Variants in TKT observed in about 807,000 individuals in gnomAD.
TKT encodes the protein transketolase.
TKT carries 47 observed loss-of-function variants against 63.9 expected under a neutral mutation model. That is an observed-to-expected ratio of 0.74 (90% CI 0.58 to 0.94). The LOEUF (loss-of-function observed/expected upper bound fraction) is 0.94. Ranked by LOEUF, TKT falls within the 40% of genes least tolerant of loss-of-function variation. TKT has a pLI of 0.00. For synonymous variants in TKT, 338 were observed against 334.1 expected, an observed-to-expected ratio of 1.01 and a Z score of -0.13; for missense variants, 721 against 846.2, an observed-to-expected ratio of 0.85 and a Z score of 1.84.
At position 53,240,214 on chromosome 3, in the gene TKT, A is replaced by G. The variant is rs781985870; in HGVS notation, c.437+37T>C. 3 of 1,594,326 alleles carry G rather than the reference A, an allele frequency of 1.9e-6. No individual in the cohort carries two copies. In the African/African-American group the frequency reaches 4.0e-5, roughly 21 times the overall value. On this transcript the variant is annotated intron_variant, in intron 4 of 13. Coordinates refer to ENST00000462138, the MANE Select transcript of TKT (RefSeq NM_001064.4). Reference sequence around the variant, plus strand: ...GGGTCACCCAAGGACCACTCCCCAAAACTACCCAGGTTGGGGGTGGGGAGT... The same window carrying G: ...GGGTCACCCAAGGACCACTCCCCAAGACTACCCAGGTTGGGGGTGGGGAGT...
intron 4 of TKT, among the ~76,000 whole-genome samples, chr3:53,238,135 T>A (rs1553679106): frequency 2.0e-5 from 3 of 152,110 alleles, no homozygotes; most frequent in Non-Finnish European, 4.4e-5. Context: ...CAGGCAACCC[T>A]GGCCCCAAGC....
At chr3:53,252,761 T>A (rs1023192928) in intron 1 of TKT, among the ~76,000 whole-genome samples, 11 of 152,148 alleles carry the variant, frequency 7.2e-5, no homozygotes, top group African/African-American at 2.7e-4. Context: ...CTGACTAATA[T>A]CCACCGCGGC....
chr3:53,225,054 T>C lies in TKT; in HGVS notation c.*702A>G, dbSNP rs1553675112. The C allele has an allele frequency of 6.6e-6, 1 of 152,124 alleles. No individual in the cohort carries two copies. Among genetic ancestry groups the C allele is most frequent in the African/African-American group, 2.4e-5 (1 of 41,430 alleles). 9.4% of individuals were successfully genotyped at this position (152,124 alleles called of 1,614,324 possible). A position where few individuals can be genotyped will look rare whatever the true frequency, so the allele number is the denominator to read the frequency against. On this transcript the variant is annotated 3_prime_UTR_variant, in exon 14 of 14. Transcript: ENST00000462138. ...GTGACATCAGAAGCTCCTGGGCCAGTTGTCACATGGAGTCCCAGGCCCCAT... is the reference window on the plus strand; with the variant it reads ...GTGACATCAGAAGCTCCTGGGCCAGCTGTCACATGGAGTCCCAGGCCCCAT...
chr3:53,251,403 C>T (rs1241246564), intron 1 of TKT, among the ~76,000 whole-genome samples: 1 of 152,144 alleles, frequency 6.6e-6, no homozygotes, highest in Non-Finnish European at 1.5e-5. Flanking sequence ...ATGAGCTGGA[C>T]CCTTGCCATA....
chr3:53,244,308 T>C (rs12054426), intron 1 of TKT, among the ~76,000 whole-genome samples: 22,687 of 152,230 alleles, frequency 0.15, 1,884 homozygotes, highest in Non-Finnish European at 0.19. Flanking sequence ...CAGAGCATCC[T>C]GGGTTGGGGA....
In TKT at chr3:53,242,181, G is replaced by C. The variant is rs1018949618; in HGVS notation, c.169C>G (p.Arg57Gly). ...IMAVLFFHTM[R>G]YKSQDPRNPH... Reference sequence around the variant, plus strand: ...TTCCGGGGGTCCTGGGACTTGTAGCGCATGGTGTGGAAAAAGAGGACAGCC... The same window carrying C: ...TTCCGGGGGTCCTGGGACTTGTAGCCCATGGTGTGGAAAAAGAGGACAGCC... The change falls in exon 2 of 14, where the codon CGC becomes GGC. Residue 57 changes from arginine (R) to glycine (G), a missense_variant. Arg to Gly is a moderately radical substitution (Grantham distance 125). Coordinates refer to ENST00000462138, the MANE Select transcript of TKT (RefSeq NM_001064.4). The C allele has an allele frequency of 6.2e-7, 1 of 1,614,094 alleles. No homozygotes were observed. Among genetic ancestry groups the C allele is most frequent in the Admixed American group, 1.7e-5 (1 of 60,018 alleles).
rs1176633758 is a variant in TKT, at chr3:53,224,777, T to G, written c.*979A>C. 1 of 152,256 alleles carries G rather than the reference T, an allele frequency of 6.6e-6. No homozygotes were observed. Among genetic ancestry groups the G allele is most frequent in the Non-Finnish European group, 1.5e-5 (1 of 68,080 alleles). 9.4% of individuals were successfully genotyped at this position (152,256 alleles called of 1,614,324 possible). ...ACAGGTGGACGTGTCCACAAATGTGTCTCATCCTCGCAACAGCTCTGAGGA... is the reference window on the plus strand; with the variant it reads ...ACAGGTGGACGTGTCCACAAATGTGGCTCATCCTCGCAACAGCTCTGAGGA... On this transcript the variant is annotated 3_prime_UTR_variant, in exon 14 of 14. Transcript: ENST00000462138.
Position 53,235,108 on chromosome 3 carries a change from G to A in TKT, c.504C>T (p.Ala168=), listed in dbSNP as rs782728706. The A allele has an allele frequency of 1.2e-6, 2 of 1,613,804 alleles. No individual in the cohort carries two copies. Among genetic ancestry groups the A allele is most frequent in the South Asian group, 1.1e-5 (1 of 91,078 alleles). Residue 168 remains alanine, a synonymous_variant, in exon 5 of 14, where the codon GCC becomes GCT. Coordinates refer to ENST00000462138, the MANE Select transcript of TKT (RefSeq NM_001064.4). ...TGTCCAGCTTATAGATGCTGGCGAAGGCCATGGCCTCCCATACAGAGCCCT... is the reference window on the plus strand; with the variant it reads ...TGTCCAGCTTATAGATGCTGGCGAAAGCCATGGCCTCCCATACAGAGCCCT... The part of the protein sequence containing the change: ...LSEGSVWEAM[A]FASIYKLDNL...
chr3:53,242,696 G>A (rs1281401799), intron 1 of TKT, among the ~76,000 whole-genome samples: 5 of 152,088 alleles, frequency 3.3e-5, no homozygotes, highest in Admixed American at 6.5e-5. Flanking sequence ...GCATTCCTAC[G>A]ACTGACCCCA....
intron 13 of TKT, 112 bp downstream of exon 13, chr3:53,226,644 G>C: frequency 6.7e-7 from 1 of 1,493,736 alleles, no homozygotes; most frequent in Non-Finnish European, 9.2e-7. Flanking sequence ...GGACAGCTCT[G>C]GGTGTTCTGG....
intron 2 of TKT, among the ~76,000 whole-genome samples, chr3:53,241,734 C>T (rs911283737): frequency 6.6e-6 from 1 of 152,212 alleles, no homozygotes; most frequent in Non-Finnish European, 1.5e-5. Context: ...AGGGGGCAAG[C>T]CGTGGCCTCG....
intron 6 of TKT, chr3:53,231,780 G>T: frequency 1.8e-6 from 1 of 546,548 alleles, no homozygotes; most frequent in Middle Eastern, 4.8e-4. Context: ...GGTCCTTTGG[G>T]AGCTCACAGC....
chr3:53,244,412 A>C (rs1705419940), intron 1 of TKT, among the ~76,000 whole-genome samples: 4 of 152,150 alleles, frequency 2.6e-5, no homozygotes, highest in Admixed American at 6.5e-5. Context: ...TGGGAGACAC[A>C]GTGAGATAAC....
At chr3:53,230,788 C>A (rs563966175) in intron 7 of TKT, among the ~76,000 whole-genome samples, 167 bp from the exon 8 acceptor site, 80 of 149,968 alleles carry the variant, frequency 5.3e-4, no homozygotes, top group Non-Finnish European at 9.3e-4. Flanking sequence ...CCAACGACTA[C>A]GGTCAATGTC....
At chr3:53,232,174 TC>T (rs1216090226) in intron 6 of TKT, 7 of 395,296 alleles carry the variant, frequency 1.8e-5, no homozygotes, top group Non-Finnish European at 2.7e-5. Flanking sequence ...CAGACTGAAC[TC>T]CCAGGTAGCA....
intron 6 of TKT, 103 bp downstream of exon 6, chr3:53,233,053 G>A (rs781901726): frequency 1.0e-5 from 10 of 990,582 alleles, no homozygotes; most frequent in African/African-American, 3.2e-5. Context: ...GGTGAGCTCA[G>A]TGAGCAGCAA....
chr3:53,231,463 T>TGGATCTGGCTGTAGATCTCCTGGATGA lies in TKT; in HGVS notation c.809_835dup (p.Ile278_Gln279insLeuIleGlnGluIleTyrSerGlnIle). The stretch of plus-strand genomic sequence containing the variant: ...GGTTGCCAGGATCTTCTTTTTGCTC[T>TGGATCTGGCTGTAGATCTCCTGGATGA]GGATCTGGCTGTAGATCTCCTGGAT... On this transcript the variant is annotated inframe_insertion, in exon 7 of 14. Coordinates refer to ENST00000462138, the MANE Select transcript of TKT (RefSeq NM_001064.4). 1 of 1,614,204 alleles carries TGGATCTGGCTGTAGATCTCCTGGATGA rather than the reference T, an allele frequency of 6.2e-7. No homozygotes were observed. Among genetic ancestry groups the TGGATCTGGCTGTAGATCTCCTGGATGA allele is most frequent in the Non-Finnish European group, 8.5e-7 (1 of 1,180,030 alleles).
At chr3:53,239,459 C>T (rs781797928) in intron 4 of TKT, among the ~76,000 whole-genome samples, 26 of 152,104 alleles carry the variant, frequency 1.7e-4, no homozygotes, top group Non-Finnish European at 2.9e-4. Context: ...CAGGTGTGTA[C>T]CACCATGCCT....
chr3:53,234,913 CCTGCAA>C (rs1227088879), intron 5 of TKT, 64 bp downstream of exon 5: 17 of 1,471,258 alleles, frequency 1.2e-5, no homozygotes, highest in Admixed American at 2.1e-5. Flanking sequence ...TGCACCTGCA[CCTGCAA>C]AGCTGTGATC....
Sources: allele counts gnomAD v4.1 joint callset (sites outside exome capture counted in the v4.1 genomes callset), GRCh38; gene constraint gnomAD v4.1.1; transcripts MANE v1.5; gene names NCBI Gene and HGNC (gene_info 2026-07-23, HGNC 2026-07-21).